The following TPRG1 variants were observed in gnomAD, a reference collection of about 807,000 sequenced individuals.
TPRG1 encodes the protein tumor protein p63-regulated gene 1 protein.
Under a neutral mutation model 29.3 loss-of-function variants are expected in TPRG1, and 29 were observed. The observed-to-expected ratio is 0.99, with a 90% CI of 0.74 to 1.35. The LOEUF (loss-of-function observed/expected upper bound fraction) is 1.35. Ranked by LOEUF, TPRG1 falls within the 40% of genes most tolerant of loss-of-function variation. TPRG1 has a pLI of 0.00. For synonymous variants in TPRG1, 130 were observed against 116.8 expected (o/e 1.11, Z -0.73); for missense variants, 327 against 335.0 (o/e 0.98, Z 0.19).
chr3:189,004,840 C>G (rs985033409), intron 3 of TPRG1: 1 of 152,028 alleles, frequency 6.6e-6, no homozygotes. Flanking sequence ...ACCCATACTG[C>G]CCATTTTTTA....
intron 3 of TPRG1, among the ~76,000 whole-genome samples, chr3:189,139,100 G>T (rs921492062): frequency 1.3e-5 from 2 of 152,300 alleles, no homozygotes; most frequent in Middle Eastern, 6.8e-3. Flanking sequence ...GCACCATGTG[G>T]TTTACTGTAT....
chr3:189,168,556 T>C (rs888275466), upstream of TPRG1, among the ~76,000 whole-genome samples: 4 of 152,218 alleles, frequency 2.6e-5, no homozygotes, highest in East Asian at 1.9e-4. Flanking sequence ...GTTTAAGACA[T>C]GGTCCTTATC....
intron 4 of TPRG1, among the ~76,000 whole-genome samples, chr3:189,082,067 C>G (rs1379662794): frequency 6.6e-6 from 1 of 152,080 alleles, no homozygotes; most frequent in African/African-American, 2.4e-5. Flanking sequence ...TGAGGTGGAA[C>G]AAGATATATC....
At chr3:189,014,089 T>G (rs1202288216) in intron 3 of TPRG1, among the ~76,000 whole-genome samples, 1 of 152,202 alleles carries the variant, frequency 6.6e-6, no homozygotes, top group Non-Finnish European at 1.5e-5. Flanking sequence ...ATGTGGTTGT[T>G]TCATAGTGTC....
rs541714616 is a variant in TPRG1, at chr3:189,017,359, C to A, written c.-659-6391C>A. 2.0e-5 allele frequency among the ~76,000 whole-genome samples: 3 copies of A among 152,162 alleles called. No individual in the cohort carries two copies. In the East Asian group the frequency reaches 5.8e-4, roughly 29 times the overall value. ...TCGTCATCTAGCATTAGGTATATCT[C>A]CCAGTGCTATCCCTACCTGCTCCCC... On this transcript the variant is annotated intron_variant, in intron 3 of 10. Coordinates refer to the TPRG1 transcript ENST00000433971.
intron 1 of TPRG1, among the ~76,000 whole-genome samples, chr3:189,122,928 C>T (rs1362210796): frequency 6.6e-6 from 1 of 152,170 alleles, no homozygotes; most frequent in African/African-American, 2.4e-5. Flanking sequence ...TGATTGAGCT[C>T]TTATTATGTG....
chr3:189,053,073 A>T (rs1715431373), intron 4 of TPRG1, among the ~76,000 whole-genome samples: 1 of 152,176 alleles, frequency 6.6e-6, no homozygotes, highest in Admixed American at 6.6e-5. Flanking sequence ...GTATCCCAAT[A>T]ACTTACAGAA....
At chr3:189,192,733 C>T (rs1731886978) in intron 1 of TPRG1, among the ~76,000 whole-genome samples, 1 of 152,058 alleles carries the variant, frequency 6.6e-6, no homozygotes, top group Non-Finnish European at 1.5e-5. Context: ...ATAAGGTTTG[C>T]TTCTTTTTTT....
At chr3:189,106,843 A>G (rs1281713001) in intron 1 of TPRG1, among the ~76,000 whole-genome samples, 1 of 152,090 alleles carries the variant, frequency 6.6e-6, no homozygotes, top group East Asian at 1.9e-4. Context: ...GGCCCAGAAA[A>G]ATGAAAAGAC....
intron 1 of TPRG1, among the ~76,000 whole-genome samples, chr3:189,175,363 T>A (rs1729347756): frequency 6.6e-6 from 1 of 152,012 alleles, no homozygotes; most frequent in African/African-American, 2.4e-5. Context: ...ATTTGAAGGG[T>A]AGGAAGCATT....
At chr3:189,230,697 C>T (rs1400361123) in intron 3 of TPRG1, among the ~76,000 whole-genome samples, 4 of 152,080 alleles carry the variant, frequency 2.6e-5, no homozygotes, top group Admixed American at 6.6e-5. Flanking sequence ...AGAATGTAAG[C>T]GCCAGAGGAA....
At chr3:189,206,698 G>T (rs150929988) in intron 1 of TPRG1, among the ~76,000 whole-genome samples, 1 of 151,516 alleles carries the variant, frequency 6.6e-6, no homozygotes, top group African/African-American at 2.4e-5. Flanking sequence ...ACTGGGTTTC[G>T]CCATGTTGCC....
At position 189,001,461 on chromosome 3, in the gene TPRG1, C is replaced by T. The variant is rs543156164; in HGVS notation, c.-878+550C>T. On this transcript the variant is annotated intron_variant, in intron 2 of 10. Coordinates refer to the TPRG1 transcript ENST00000433971. Reference sequence around the variant, plus strand: ...GAGGACCCTTTCTTCATAGGCTGAACCTTTGCTCACTTCAGGACTGTGTGT... The same window carrying T: ...GAGGACCCTTTCTTCATAGGCTGAATCTTTGCTCACTTCAGGACTGTGTGT... Among the ~76,000 whole-genome samples the T allele has an allele frequency of 8.5e-4, 129 of 152,238 alleles. 2 individuals carry two copies. Among genetic ancestry groups the T allele is most frequent in the African/African-American group, 2.7e-3 (113 of 41,556 alleles).
chr3:189,098,168 G>T (rs1312216727), upstream of TPRG1, among the ~76,000 whole-genome samples: 1 of 152,172 alleles, frequency 6.6e-6, no homozygotes, highest in Non-Finnish European at 1.5e-5. Context: ...AAGAAGAAAA[G>T]AGAGCCGGGT....
At chr3:189,008,718 C>T (rs1004995453) in intron 3 of TPRG1, among the ~76,000 whole-genome samples, 2 of 152,210 alleles carry the variant, frequency 1.3e-5, no homozygotes, top group South Asian at 4.1e-4. Flanking sequence ...ATTGTGCATG[C>T]TCCATGCACA....
intron 3 of TPRG1, among the ~76,000 whole-genome samples, chr3:189,234,224 G>C (rs947858365): frequency 6.6e-6 from 1 of 152,160 alleles, no homozygotes; most frequent in Non-Finnish European, 1.5e-5. Flanking sequence ...CTTGTGGGTA[G>C]GGGAGGTGAG....
intron 3 of TPRG1, 58 bp downstream of exon 3, chr3:189,215,441 C>A: frequency 7.1e-7 from 1 of 1,404,232 alleles, no homozygotes; most frequent in Non-Finnish European, 1.0e-6. Flanking sequence ...CTTGACATCA[C>A]TGTAGCAGAA....
chr3:189,157,674 G>A (rs932846425), intron 5 of TPRG1, among the ~76,000 whole-genome samples: 13 of 152,108 alleles, frequency 8.5e-5, no homozygotes, highest in East Asian at 1.9e-4. Context: ...TGACCCTCCC[G>A]AAGGAAGTTT....
chr3:189,155,082 G>A (rs1297618566), intron 5 of TPRG1, among the ~76,000 whole-genome samples: 1 of 152,146 alleles, frequency 6.6e-6, no homozygotes, highest in African/African-American at 2.4e-5. Context: ...CAAGCTAAGG[G>A]ACCCACGTGG....
Sources: allele counts gnomAD v4.1 joint callset (sites outside exome capture counted in the v4.1 genomes callset), GRCh38; gene constraint gnomAD v4.1.1; transcripts MANE v1.5; gene names NCBI Gene and HGNC (gene_info 2026-07-23, HGNC 2026-07-21).